NRXN3: variants seen among roughly 807,000 people sequenced by gnomAD.
NRXN3 encodes the protein neurexin 3.
A neutral mutation model predicts 137.6 loss-of-function variants in NRXN3; 32 were observed. The observed-to-expected ratio is 0.23, with a 90% confidence interval of 0.18 to 0.31. The LOEUF is 0.31. Among genes scored for constraint, NRXN3 ranks in the 10% least tolerant of loss-of-function variants. The pLI, the probability that NRXN3 is intolerant of heterozygous loss-of-function variation, is 1.00. For synonymous variants in NRXN3, 798 were observed against 784.5 expected, an observed-to-expected ratio of 1.02 and a Z score of -0.29; for missense variants, 1,574 against 2,062.5, an observed-to-expected ratio of 0.76 and a Z score of 4.59.
chr14:79,015,111 A>G (rs1196444974), intron 15 of NRXN3, among the ~76,000 whole-genome samples: 1 of 152,036 alleles, frequency 6.6e-6, no homozygotes, highest in Admixed American at 6.6e-5. Flanking sequence ...GGCTGCATCT[A>G]GTCAGCCATC....
chr14:79,775,553 GA>G (rs749252781), intron 19 of NRXN3, among the ~76,000 whole-genome samples: 7,440 of 69,034 alleles, frequency 0.11, 190 homozygotes, highest in Middle Eastern at 0.18. Context: ...GGCTCTAACC[GA>G]AAAAAAAAAA....
At chr14:78,792,052 T>TA (rs201310723) in intron 8 of NRXN3, among the ~76,000 whole-genome samples, 4,211 of 149,724 alleles carry the variant, frequency 0.028, 218 homozygotes, top group African/African-American at 0.098. Flanking sequence ...ACAATAAAGT[T>TA]AAAAAAAGGA....
intron 15 of NRXN3, among the ~76,000 whole-genome samples, chr14:79,168,574 T>C (rs1404823069): frequency 6.6e-6 from 1 of 152,010 alleles, no homozygotes; most frequent in Non-Finnish European, 1.5e-5. Flanking sequence ...TTCCTGATTA[T>C]TCTTGATAAT....
intron 17 of NRXN3, among the ~76,000 whole-genome samples, chr14:79,685,640 A>G (rs888941163): frequency 1.3e-5 from 2 of 152,188 alleles, no homozygotes; most frequent in African/African-American, 4.8e-5. Context: ...GCCTGGGCCT[A>G]GTTTTATTAA....
intron 8 of NRXN3, among the ~76,000 whole-genome samples, chr14:78,759,498 C>T (rs538919325): frequency 1.1e-4 from 16 of 152,234 alleles, no homozygotes; most frequent in Non-Finnish European, 2.1e-4. Context: ...AAATATATCG[C>T]TGAGTTCTGT....
At position 79,020,840 on chromosome 14, in the gene NRXN3, C is replaced by T. The variant is rs79404523; in HGVS notation, c.3262+32699C>T. Among the ~76,000 whole-genome samples the T allele has an allele frequency of 1.6e-3, 241 of 146,736 alleles. 7 individuals carry two copies. The East Asian group carries it at 0.036, about 22-fold the overall frequency. Reference sequence around the variant, plus strand: ...TGAACCAATCTCTGTTTATGAAATGCGCTCTGCCTGTGCTTGCATTTTACA... The same window carrying T: ...TGAACCAATCTCTGTTTATGAAATGTGCTCTGCCTGTGCTTGCATTTTACA... On this transcript the variant is annotated intron_variant, in intron 15 of 20. Transcript: ENST00000335750.
chr14:78,859,902 A>C (rs2099067939), intron 10 of NRXN3, among the ~76,000 whole-genome samples: 1 of 152,140 alleles, frequency 6.6e-6, no homozygotes, highest in Non-Finnish European at 1.5e-5. Context: ...TCCATCAGTG[A>C]AGACTCCTAC....
intron 3 of NRXN3, among the ~76,000 whole-genome samples, chr14:78,288,705 C>T (rs1232214534): frequency 1.3e-5 from 2 of 152,184 alleles, no homozygotes; most frequent in Non-Finnish European, 2.9e-5. Flanking sequence ...ACTGCTGCTC[C>T]TTTGGCCCCT....
chr14:78,237,598 C>T (rs543956280), intron 1 of NRXN3, among the ~76,000 whole-genome samples: 26 of 152,228 alleles, frequency 1.7e-4, no homozygotes, highest in African/African-American at 4.8e-4. Context: ...GTGAAAGTCC[C>T]GGCATTAACT....
intron 4 of NRXN3, among the ~76,000 whole-genome samples, chr14:78,347,322 T>C (rs961776810): frequency 6.6e-6 from 1 of 152,226 alleles, no homozygotes; most frequent in African/African-American, 2.4e-5. Context: ...ATCTTACTTA[T>C]GATTTTTCGG....
intron 4 of NRXN3, among the ~76,000 whole-genome samples, chr14:78,330,085 G>A (rs1354994285): frequency 1.3e-5 from 2 of 152,044 alleles, no homozygotes; most frequent in South Asian, 4.1e-4. Context: ...TTCTTTATAC[G>A]GTAGGGTGGT....
rs78540194 is a variant in NRXN3, at chr14:78,882,044, G to T, written c.2275+71700G>T. ...ACAGCTCAGGATATTGTTTCAAAAGGTGTAAGCCCCCATTCTTGGCAGCTT... is the reference window on the plus strand; with the variant it reads ...ACAGCTCAGGATATTGTTTCAAAAGTTGTAAGCCCCCATTCTTGGCAGCTT... On this transcript the variant is annotated intron_variant, in intron 10 of 20. Transcript: ENST00000335750. 2.1e-4 allele frequency among the ~76,000 whole-genome samples: 32 copies of T among 151,874 alleles called. No individual in the cohort carries two copies. In the East Asian group the frequency reaches 6.2e-3, roughly 29 times the overall value.
chr14:79,079,220 A>C (rs1307157208), intron 15 of NRXN3, among the ~76,000 whole-genome samples: 2 of 152,208 alleles, frequency 1.3e-5, no homozygotes, highest in Admixed American at 6.5e-5. Context: ...ACGTTACTAA[A>C]GCAAAGATAA....
intron 10 of NRXN3, among the ~76,000 whole-genome samples, chr14:78,827,688 T>G (rs371344496): frequency 2.0e-5 from 3 of 152,344 alleles, no homozygotes; most frequent in African/African-American, 4.8e-5. Flanking sequence ...CTGGCTTGCC[T>G]TGTTCCTGCC....
rs548026311 is a variant in NRXN3, at chr14:78,510,512, A to G, written c.758-134608A>G. Among the ~76,000 whole-genome samples, 12 of 152,316 alleles carry G rather than the reference A, an allele frequency of 7.9e-5. No individual in the cohort carries two copies. The South Asian group carries it at 2.1e-3, about 26-fold the overall frequency. On this transcript the variant is annotated intron_variant, in intron 4 of 20. Transcript: ENST00000335750. ...GGAGTGCTATTGATTTGATCATTTT[A>G]TGAAATTCTTACCCTTTTGCTTTCA...
intron 6 of NRXN3, among the ~76,000 whole-genome samples, chr14:78,661,743 G>A (rs2097843450): frequency 6.6e-6 from 1 of 152,162 alleles, no homozygotes; most frequent in African/African-American, 2.4e-5. Flanking sequence ...GTATGATGCT[G>A]GATAACATAC....
At chr14:79,235,780 T>G (rs781679928) in intron 15 of NRXN3, among the ~76,000 whole-genome samples, 2 of 152,114 alleles carry the variant, frequency 1.3e-5, no homozygotes, top group Non-Finnish European at 2.9e-5. Context: ...AGCAAAATGA[T>G]TAGGTATGGA....
chr14:79,240,762 G>A (rs1026291880), intron 15 of NRXN3, among the ~76,000 whole-genome samples: 1 of 151,960 alleles, frequency 6.6e-6, no homozygotes, highest in Admixed American at 6.6e-5. Context: ...AAAACACAGA[G>A]CAGTGTAATA....
At chr14:78,850,168 G>GAGAGAAAGAGAA (rs200208640) in intron 10 of NRXN3, among the ~76,000 whole-genome samples, 2 of 152,062 alleles carry the variant, frequency 1.3e-5, no homozygotes, top group South Asian at 4.2e-4. Flanking sequence ...GAGGAAGAGG[G>GAGAGAAAGAGAA]AGAGAAAGAG....
Sources: gnomAD v4.1 joint callset for allele counts (sites outside exome capture counted in the v4.1 genomes callset) on GRCh38, gnomAD v4.1.1 for gene constraint, MANE v1.5 for transcripts, NCBI Gene and HGNC (gene_info 2026-07-23, HGNC 2026-07-21) for gene names.